The following BICDL1 variants were observed in gnomAD, a reference collection of about 807,000 sequenced individuals.
BICDL1 encodes BICD family like cargo adaptor 1, also known as BICD family-like cargo adapter 1.
Under a neutral mutation model 76.8 loss-of-function variants are expected in BICDL1, and 20 were observed. That is an observed-to-expected ratio of 0.26 (90% CI 0.18 to 0.38). The LOEUF (loss-of-function observed/expected upper bound fraction) is 0.38. BICDL1 is among the 10% of genes least tolerant of loss of function. The pLI, the probability that BICDL1 is intolerant of heterozygous loss-of-function variation, is 1.00. For synonymous variants in BICDL1, 383 were observed against 337.1 expected (o/e 1.14, Z -1.49); for missense variants, 700 against 798.6 (o/e 0.88, Z 1.49).
intron 2 of BICDL1, among the ~76,000 whole-genome samples, chr12:120,056,481 G>A (rs1319474662): frequency 2.6e-5 from 4 of 152,216 alleles, no homozygotes; most frequent in Non-Finnish European, 5.9e-5. Context: ...AGCACTTTGG[G>A]AGGCCAAGGT....
chr12:120,065,892 C>T (rs944486167), intron 4 of BICDL1, among the ~76,000 whole-genome samples: 10 of 152,166 alleles, frequency 6.6e-5, no homozygotes, highest in African/African-American at 1.7e-4. Context: ...AGTGATTAAC[C>T]GCTTTGAGGG....
chr12:120,088,757 C>T (rs1373728046), intron 8 of BICDL1, among the ~76,000 whole-genome samples: 1 of 152,044 alleles, frequency 6.6e-6, no homozygotes, highest in Non-Finnish European at 1.5e-5. Flanking sequence ...AGCTCCGCCT[C>T]CCGGGTTCAC....
chr12:120,000,881 T>A (rs1394956241), intron 2 of BICDL1, among the ~76,000 whole-genome samples: 1 of 152,220 alleles, frequency 6.6e-6, no homozygotes, highest in East Asian at 1.9e-4. Flanking sequence ...TTAAACAGCG[T>A]GTGAAGGTAA....
intron 2 of BICDL1, among the ~76,000 whole-genome samples, chr12:120,014,748 C>G (rs903924738): frequency 1.3e-5 from 2 of 151,130 alleles, no homozygotes; most frequent in African/African-American, 4.9e-5. Flanking sequence ...CCTGTAATCT[C>G]AACACTTGGG....
intron 2 of BICDL1, among the ~76,000 whole-genome samples, chr12:120,049,116 G>A (rs1952804888): frequency 6.6e-6 from 1 of 152,202 alleles, no homozygotes; most frequent in Non-Finnish European, 1.5e-5. Flanking sequence ...TCCTCTGCTA[G>A]AGTTTGTGCC....
At chr12:120,000,915 T>G (rs541832526) in intron 2 of BICDL1, among the ~76,000 whole-genome samples, 77 of 152,264 alleles carry the variant, frequency 5.1e-4, no homozygotes, top group Non-Finnish European at 9.8e-4. Context: ...TGTTGATGGT[T>G]GTTTTACTAA....
At chr12:120,066,738 A>G (rs1838504315) in intron 4 of BICDL1, among the ~76,000 whole-genome samples, 1 of 151,906 alleles carries the variant, frequency 6.6e-6, no homozygotes, top group Non-Finnish European at 1.5e-5. Flanking sequence ...TTCATGTGAA[A>G]CTCTCCAGTT....
intron 2 of BICDL1, among the ~76,000 whole-genome samples, chr12:120,043,577 A>T (rs1033485384): frequency 6.6e-6 from 1 of 152,226 alleles, no homozygotes; most frequent in Non-Finnish European, 1.5e-5. Flanking sequence ...GGCTAAGTAA[A>T]TCTACTTGAG....
At chr12:120,031,238 C>G (rs1952417074) in intron 2 of BICDL1, among the ~76,000 whole-genome samples, 2 of 138,018 alleles carry the variant, frequency 1.4e-5, no homozygotes, top group South Asian at 2.3e-4. Context: ...GAGTCTTGCT[C>G]TGTCGCCCAG....
intron 2 of BICDL1, among the ~76,000 whole-genome samples, chr12:120,035,446 CCTTAT>C (rs912420500): frequency 1.3e-5 from 2 of 152,164 alleles, no homozygotes; most frequent in African/African-American, 4.8e-5. Flanking sequence ...TGATACGTAG[CCTTAT>C]CTTATTTCTT....
intron 8 of BICDL1, 91 bp downstream of exon 8, chr12:120,081,108 A>C: frequency 1.5e-6 from 2 of 1,327,648 alleles, no homozygotes; most frequent in Non-Finnish European, 2.1e-6. Flanking sequence ...AATCATACAA[A>C]AGAATACAAA....
chr12:120,089,888 A>G (rs1874816980), intron 8 of BICDL1, 63 bp from the exon 9 acceptor site: 1 of 1,582,978 alleles, frequency 6.3e-7, no homozygotes, highest in Non-Finnish European at 8.6e-7. Flanking sequence ...AGGTGCCCCA[A>G]GTAAAGACCA....
In BICDL1 at chr12:120,016,421, G is replaced by T. The variant is rs147560686; in HGVS notation, c.645+17685G>T. Reference sequence around the variant, plus strand: ...TATTTAGGAGTGGAATTGCTATATGGTATGTCTGTAACCTTTTTTTTTTTT... The same window carrying T: ...TATTTAGGAGTGGAATTGCTATATGTTATGTCTGTAACCTTTTTTTTTTTT... On this transcript the variant is annotated intron_variant, in intron 2 of 9. Transcript: ENST00000548673. 5.4e-5 allele frequency among the ~76,000 whole-genome samples: 8 copies of T among 147,700 alleles called. No individual in the cohort carries two copies. The East Asian group carries it at 9.9e-4, about 18-fold the overall frequency.
rs1178708957 is a variant in BICDL1 at position 119,990,125 on chromosome 12, G to T, written c.257G>T (p.Gly86Val). 2 of 1,549,776 alleles carry T rather than the reference G, an allele frequency of 1.3e-6. No individual in the cohort carries two copies. Among genetic ancestry groups the T allele is most frequent in the Non-Finnish European group, 1.7e-6 (2 of 1,146,996 alleles). The stretch of plus-strand genomic sequence containing the variant: ...GCCGAGCCTGGGTCTCTGGCCGAGG[G>T]GGCCGGACCGCAGCCGCCGCCCTCC... ...PQAEPGSLAEGAGPQPPPSQD... is the reference protein window; with the variant it reads ...PQAEPGSLAEVAGPQPPPSQD... The change falls in exon 1 of 10, where the codon GGG (glycine) becomes GTG (valine). Residue 86 changes from glycine (G) to valine (V), a missense_variant. By Grantham distance (109) the Gly-to-Val change is moderately radical. Around this residue, in one of 3 missense-constraint regions of BICDL1, gnomAD observed 225 missense variants for 199.6 expected, o/e 1.13. Transcript: ENST00000548673.
At position 120,064,889 on chromosome 12, in the gene BICDL1, T is replaced by A; in HGVS notation, c.909+10T>A. ...TGACAAGGACCTACAGGTACTGGGG[T>A]AGAGAAGCTGTCCTGCAGGACTAGA... On this transcript the variant is annotated intron_variant, in intron 4 of 9. Transcript: ENST00000548673. The A allele has an allele frequency of 6.3e-7, 1 of 1,596,394 alleles. No individual in the cohort carries two copies. The highest frequency in any genetic ancestry group is 8.5e-7 in the Non-Finnish European group (1 of 1,173,866).
At chr12:120,091,814 C>T (rs1046544649) in intron 9 of BICDL1, 1 of 985,228 alleles carries the variant, frequency 1.0e-6, no homozygotes, top group African/African-American at 1.7e-5. Context: ...AGTGGACAAG[C>T]TGCTCAGATG....
rs751881504 is a variant in BICDL1, at chr12:120,092,982, GT to G, written c.1705-17del. On this transcript the variant is annotated splice_polypyrimidine_tract_variant and intron_variant, in intron 9 of 9. Coordinates refer to ENST00000548673, the MANE Select transcript of BICDL1 (RefSeq NM_001367886.1). ...GAGCAGCTACTCAGTCCTGGCCACT[GT>G]CCCCTCCCCTCTGCAGGATGACATG... 5.2e-6 allele frequency: 8 copies of G among 1,538,572 alleles called. No homozygotes were observed. Among genetic ancestry groups the G allele is most frequent in the Non-Finnish European group, 7.0e-6 (8 of 1,141,204 alleles).
chr12:119,997,417 C>G (rs894078468), intron 1 of BICDL1, among the ~76,000 whole-genome samples: 4 of 152,150 alleles, frequency 2.6e-5, no homozygotes, highest in African/African-American at 9.7e-5. Context: ...CTGTTTTGCT[C>G]ATTAGAACGT....
In BICDL1 at chr12:120,046,722, C is replaced by G. The variant is rs373718492; in HGVS notation, c.646-14988C>G. The stretch of plus-strand genomic sequence containing the variant: ...CCATGTTGGAATTAGTGCAAAGTGC[C>G]AGGCCATCAAGTTAACATAGGGGAT... On this transcript the variant is annotated intron_variant, in intron 2 of 9. Coordinates refer to ENST00000548673, the MANE Select transcript of BICDL1 (RefSeq NM_001367886.1). Among the ~76,000 whole-genome samples the G allele has an allele frequency of 1.2e-4, 18 of 152,202 alleles. 1 individual carries two copies. In the East Asian group the frequency reaches 1.9e-3, roughly 16 times the overall value.
Sources: gnomAD v4.1 joint callset for allele counts (sites outside exome capture counted in the v4.1 genomes callset) on GRCh38, gnomAD v4.1.1 for gene constraint, gnomAD v4.1.1 regional missense constraint, MANE v1.5 for transcripts, NCBI Gene and HGNC (gene_info 2026-07-23, HGNC 2026-07-21) for gene names.